ABLIM2: variants seen among roughly 807,000 people sequenced by gnomAD.
ABLIM2 encodes the protein actin-binding LIM protein 2.
Under a neutral mutation model 97.7 loss-of-function variants are expected in ABLIM2, and 53 were observed. The observed-to-expected ratio is 0.54, with a 90% CI of 0.44 to 0.68. The LOEUF is 0.68. ABLIM2 is among the 30% of genes least tolerant of loss of function. The pLI, the probability that ABLIM2 is intolerant of heterozygous loss-of-function variation, is 0.00. For synonymous variants in ABLIM2, 361 were observed against 345.8 expected (o/e 1.04, Z -0.49); for missense variants, 835 against 867.2 (o/e 0.96, Z 0.47).
chr4:8,149,317 G>A lies in ABLIM2; in HGVS notation c.10+9363C>T, dbSNP rs1205207674. On this transcript the variant is annotated intron_variant, in intron 1 of 20. Transcript: ENST00000447017. The surrounding 1 kb of genome is among the most constrained non-coding windows in gnomAD (Gnocchi z 6.4). ...TATGAACAGTCATTTTGCCGCATGA[G>A]GTCACATAGTCACAGGGCCTGGGAT... Among the ~76,000 whole-genome samples, 2 of 152,084 alleles carry A rather than the reference G, an allele frequency of 1.3e-5. No individual in the cohort carries two copies. The highest frequency in any genetic ancestry group is 2.9e-5 in the Non-Finnish European group (2 of 68,018).
chr4:7,995,019 A>G (rs1418296666), intron 16 of ABLIM2, among the ~76,000 whole-genome samples: 2 of 113,282 alleles, frequency 1.8e-5, no homozygotes, highest in Non-Finnish European at 4.3e-5. Context: ...GGCGAAGGAC[A>G]TGAACAGACA....
intron 2 of ABLIM2, among the ~76,000 whole-genome samples, chr4:8,100,749 GAAAAAAAAAA>G (rs57318831): frequency 2.0e-5 from 2 of 100,216 alleles, no homozygotes; most frequent in Admixed American, 2.3e-4. Flanking sequence ...TCCATCTCAG[GAAAAAAAAAA>G]AAAAAAAAAA....
chr4:8,062,497 T>G (rs546687505), intron 6 of ABLIM2, among the ~76,000 whole-genome samples: 1 of 151,880 alleles, frequency 6.6e-6, no homozygotes, highest in East Asian at 1.9e-4. Flanking sequence ...TGGAGTGCAG[T>G]GGCGCGATCT....
intron 16 of ABLIM2, among the ~76,000 whole-genome samples, chr4:7,997,767 A>G (rs78251120): frequency 0.019 from 2,914 of 152,128 alleles, 48 homozygotes; most frequent in Non-Finnish European, 0.027. Context: ...CTGTTTCTAA[A>G]CTATTTGTAA....
At chr4:8,042,661 G>A (rs1253201756) in intron 9 of ABLIM2, among the ~76,000 whole-genome samples, 1 of 152,096 alleles carries the variant, frequency 6.6e-6, no homozygotes, top group Non-Finnish European at 1.5e-5. Context: ...CCAACATGGA[G>A]AAACCCCGTC....
chr4:8,120,952 A>T lies in ABLIM2; in HGVS notation c.11-14315T>A, dbSNP rs755659796. On this transcript the variant is annotated intron_variant, in intron 1 of 20. Transcript: ENST00000447017. This position sits in a 1 kb window ranked among gnomAD's most constrained non-coding sequence, Gnocchi z 5.6. ...TAGCTCAGAGAAAGATCGAAATTCA[A>T]AATTCAAAGTATGGTTTCTACTGAA... 6.6e-6 allele frequency among the ~76,000 whole-genome samples: 1 copy of T among 152,232 alleles called. No homozygotes were observed. The highest frequency in any genetic ancestry group is 1.5e-5 in the Non-Finnish European group (1 of 68,042).
At chr4:8,029,513 T>A in intron 11 of ABLIM2, 143 bp downstream of exon 11, 2 of 1,147,046 alleles carry the variant, frequency 1.7e-6, no homozygotes, top group Non-Finnish European at 2.3e-6. Flanking sequence ...ACCCACCCGC[T>A]GGCAATCCCA....
chr4:8,004,564 G>A lies in ABLIM2; in HGVS notation c.1618+3495C>T, dbSNP rs368677220. On this transcript the variant is annotated intron_variant, in intron 16 of 20. Coordinates refer to ENST00000447017, the MANE Select transcript of ABLIM2 (RefSeq NM_001130083.2). This position sits in a 1 kb window ranked among gnomAD's most constrained non-coding sequence, Gnocchi z 5.9. ...TTATGCTGACACGCCTCTGACCTTC[G>A]AGGGTGGGACGTGAGAGACCTCAAA... Among the ~76,000 whole-genome samples, 3 of 152,056 alleles carry A rather than the reference G, an allele frequency of 2.0e-5. No individual in the cohort carries two copies. Among genetic ancestry groups the A allele is most frequent in the Non-Finnish European group, 4.4e-5 (3 of 68,016 alleles).
intron 20 of ABLIM2, among the ~76,000 whole-genome samples, chr4:7,972,567 T>C (rs150282286): frequency 6.6e-6 from 1 of 152,334 alleles, no homozygotes; most frequent in African/African-American, 2.4e-5. Flanking sequence ...CTGGTCTGCA[T>C]TGTGAATCTG....
At chr4:8,103,899 T>C (rs1480964989) in intron 2 of ABLIM2, among the ~76,000 whole-genome samples, 3 of 152,230 alleles carry the variant, frequency 2.0e-5, no homozygotes, top group Non-Finnish European at 4.4e-5. Flanking sequence ...AGCTTCCCCT[T>C]TGTCTTTTAA....
chr4:7,990,322 G>A lies in ABLIM2; in HGVS notation c.1680+2544C>T, dbSNP rs188042577. On this transcript the variant is annotated intron_variant, in intron 17 of 20. Coordinates refer to ENST00000447017, the MANE Select transcript of ABLIM2 (RefSeq NM_001130083.2). ...AGCAATTCTCCTGCCTCAGCCTCCC[G>A]AGTGGCTGGGACTATAGGATGCCCG... Among the ~76,000 whole-genome samples, 202 of 151,998 alleles carry A rather than the reference G, an allele frequency of 1.3e-3. 1 individual carries two copies. Among genetic ancestry groups the A allele is most frequent in the African/African-American group, 4.7e-3 (194 of 41,436 alleles).
intron 9 of ABLIM2, among the ~76,000 whole-genome samples, chr4:8,040,699 G>A (rs1787842861): frequency 6.6e-6 from 1 of 152,172 alleles, no homozygotes. Context: ...TCTTGGTGAA[G>A]AGCCGGACCG....
chr4:8,008,376 C>T (rs764867804), intron 15 of ABLIM2, among the ~76,000 whole-genome samples, 176 bp from the exon 16 acceptor site: 31 of 152,178 alleles, frequency 2.0e-4, no homozygotes, highest in Non-Finnish European at 3.7e-4. Context: ...TTAGTGAGAC[C>T]TATCCAGACG....
intron 5 of ABLIM2, among the ~76,000 whole-genome samples, chr4:8,079,094 C>G (rs1298490034): frequency 6.6e-6 from 1 of 152,232 alleles, no homozygotes; most frequent in East Asian, 1.9e-4. Flanking sequence ...GGGTGCCCCT[C>G]TCTGGCTGCG....
intron 6 of ABLIM2, among the ~76,000 whole-genome samples, chr4:8,070,505 G>A (rs570754626): frequency 2.0e-5 from 3 of 152,176 alleles, no homozygotes; most frequent in South Asian, 4.1e-4. Flanking sequence ...TTGGAAACAC[G>A]GTTTGTTTTC....
At position 8,003,094 on chromosome 4, in the gene ABLIM2, C is replaced by T. The variant is rs187172242; in HGVS notation, c.1618+4965G>A. On this transcript the variant is annotated intron_variant, in intron 16 of 20. Coordinates refer to ENST00000447017, the MANE Select transcript of ABLIM2 (RefSeq NM_001130083.2). This position sits in a 1 kb window ranked among gnomAD's most constrained non-coding sequence, Gnocchi z 4.2. Reference sequence around the variant, plus strand: ...CTGTCCCCAGCACCCAGGACAGCACCGGAACACACCAAGCACTCATGAAAT... The same window carrying T: ...CTGTCCCCAGCACCCAGGACAGCACTGGAACACACCAAGCACTCATGAAAT... Among the ~76,000 whole-genome samples the T allele has an allele frequency of 1.3e-4, 20 of 152,304 alleles. No homozygotes were observed. The East Asian group carries it at 1.5e-3, about 12-fold the overall frequency.
chr4:7,980,508 AG>A (rs1737152086), intron 20 of ABLIM2, among the ~76,000 whole-genome samples: 1 of 152,058 alleles, frequency 6.6e-6, no homozygotes. Context: ...TGAGGTTGGG[AG>A]TTTGAGAACA....
chr4:8,006,955 C>T, intron 16 of ABLIM2: 1 of 918,560 alleles, frequency 1.1e-6, no homozygotes, highest in Non-Finnish European at 1.3e-6. Context: ...AAGCTGCACC[C>T]CAGGCGGGGG....
At position 8,107,882 on chromosome 4, in the gene ABLIM2, C is replaced by T. The variant is rs185698026; in HGVS notation, c.11-1245G>A. ...TTATGCGGCTGTGGCCAGAGGGAGG[C>T]GTGACTGTGGAAGAAGGTCAGGGAG... On this transcript the variant is annotated intron_variant, in intron 1 of 20. Transcript: ENST00000447017. 7.3e-3 allele frequency among the ~76,000 whole-genome samples: 1,106 copies of T among 152,178 alleles called. 16 individuals are homozygous for T. Among genetic ancestry groups the T allele is most frequent in the African/African-American group, 0.025 (1,044 of 41,524 alleles).
Sources: allele counts gnomAD v4.1 joint callset (sites outside exome capture counted in the v4.1 genomes callset), GRCh38; gene constraint gnomAD v4.1.1; non-coding constraint Gnocchi (gnomAD v3.1); transcripts MANE v1.5; gene names NCBI Gene and HGNC (gene_info 2026-07-23, HGNC 2026-07-21).